GCAT: variants seen among roughly 807,000 people sequenced by gnomAD.
GCAT encodes the protein glycine C-acetyltransferase, also known as 2-amino-3-ketobutyrate coenzyme A ligase, mitochondrial.
Under a neutral mutation model 39.7 loss-of-function variants are expected in GCAT, and 26 were observed. The observed-to-expected ratio is 0.65, with a 90% CI of 0.48 to 0.91. The LOEUF is 0.91. GCAT is among the 40% of genes least tolerant of loss of function. GCAT has a pLI of 0.00. For missense variants in GCAT, 550 were observed against 576.2 expected (o/e 0.95, Z 0.47); for synonymous variants, 218 against 237.2 (o/e 0.92, Z 0.74).
At chr22:37,817,043 G>T (rs994508991), downstream of GCAT, 8 of 250,544 alleles carry the variant, frequency 3.2e-5, no homozygotes, top group African/African-American at 1.3e-4. Context: ...GGGACCCAGT[G>T]GCCGGGCACG....
At chr22:37,812,799 T>C in intron 2 of GCAT, 88 bp from the exon 3 acceptor site, 1 of 879,426 alleles carries the variant, frequency 1.1e-6, no homozygotes. Context: ...CTGGGTTGGG[T>C]CTCTGTGGTC....
chr22:37,814,482 C>T (rs1921942033), intron 4 of GCAT, among the ~76,000 whole-genome samples: 2 of 152,122 alleles, frequency 1.3e-5, no homozygotes, highest in East Asian at 1.9e-4. Flanking sequence ...AGGCTGGTTT[C>T]GAACTCCTGA....
intron 2 of GCAT, among the ~76,000 whole-genome samples, chr22:37,811,400 G>T (rs963326425): frequency 6.9e-6 from 1 of 144,138 alleles, no homozygotes; most frequent in Non-Finnish European, 1.5e-5. Flanking sequence ...AGAATCGCTT[G>T]AACCTAGGAG....
intron 4 of GCAT, 72 bp downstream of exon 4, chr22:37,813,681 T>A (rs1601700009): frequency 1.4e-6 from 2 of 1,387,736 alleles, no homozygotes; most frequent in East Asian, 4.7e-5. Flanking sequence ...GGCCAACTCC[T>A]CACTCACAGA....
chr22:37,813,858 T>A (rs1185787623), intron 4 of GCAT, among the ~76,000 whole-genome samples: 1 of 150,276 alleles, frequency 6.7e-6, no homozygotes, highest in Non-Finnish European at 1.5e-5. Flanking sequence ...CTCCACCTCC[T>A]GGGTTCAAGT....
rs1241492863 is a variant in GCAT, at chr22:37,809,368, CTG to C, written c.197-656_197-655del. Among the ~76,000 whole-genome samples, 5 of 152,160 alleles carry C rather than the reference CTG, an allele frequency of 3.3e-5. No homozygotes were observed. In the East Asian group the frequency reaches 7.7e-4, roughly 23 times the overall value. On this transcript the variant is annotated intron_variant, in intron 1 of 8. Transcript: ENST00000248924. ...GGTGTGATTCTGGCAGCAAAGTAAA[CTG>C]TGGAGTTCCAGGACTGCAGCAGGCG...
Position 37,816,522 on chromosome 22 carries a change from C to T in GCAT, c.1109-45C>T, listed in dbSNP as rs1292424807. 6.8e-6 allele frequency: 11 copies of T among 1,609,614 alleles called. 1 individual carries two copies. In the South Asian group the frequency reaches 9.9e-5, roughly 15 times the overall value. ...TTCCCTTGCCCTCTGTGTTCTGCCC[C>T]CAAGCCTGTTGGTTCTGGCACGCCC... is the stretch of plus-strand genomic sequence containing the variant. On this transcript the variant is annotated intron_variant, in intron 8 of 8. Transcript: ENST00000248924.
In GCAT at chr22:37,816,618, G is replaced by A. The variant is rs762546090; in HGVS notation, c.1160G>A (p.Arg387Gln). ...SYPVVPKGKA[R>Q]IRVQISAVHS... ...CCCGTGGTCCCCAAGGGCAAGGCCC[G>A]GATCCGGGTACAGATCTCAGCAGTG... Residue 387 changes from arginine to glutamine, a missense_variant, in exon 9 of 9, where the codon CGG (arginine) becomes CAG (glutamine). Arg to Gln is a conservative substitution (Grantham distance 43). Transcript: ENST00000248924. The A allele has an allele frequency of 7.4e-6, 12 of 1,614,056 alleles. No individual in the cohort carries two copies. Among genetic ancestry groups the A allele is most frequent in the Admixed American group, 5.0e-5 (3 of 60,010 alleles).
chr22:37,814,152 TTGCAATGG>T (rs1921906732), intron 4 of GCAT, among the ~76,000 whole-genome samples: 1 of 152,078 alleles, frequency 6.6e-6, no homozygotes, highest in African/African-American at 2.4e-5. Flanking sequence ...CCAGGCTGTA[TTGCAATGG>T]TGCAGTCATA....
At chr22:37,813,071 C>G in intron 3 of GCAT, 83 bp downstream of exon 3, 1 of 985,478 alleles carries the variant, frequency 1.0e-6, no homozygotes. Context: ...TCGGGAGAAC[C>G]TAGCAGGATT....
In GCAT at chr22:37,815,748, T is replaced by C. The variant is rs758176600; in HGVS notation, c.900T>C (p.Pro300=). The C allele has an allele frequency of 1.2e-6, 2 of 1,613,734 alleles. No individual in the cohort carries two copies. The highest frequency in any genetic ancestry group is 2.2e-5 in the South Asian group (2 of 91,070). The change falls in exon 7 of 9, where the codon CCT becomes CCC. Residue 300 remains proline, a synonymous_variant. Transcript: ENST00000248924. ...ACCTCTTCTCCAACAGTCTGCCACCTGCTGTCGTTGGCTGCGCCTCCAAGG... is the reference window on the plus strand; with the variant it reads ...ACCTCTTCTCCAACAGTCTGCCACCCGCTGTCGTTGGCTGCGCCTCCAAGG... ...RPYLFSNSLP[P]AVVGCASKAL...
In GCAT at chr22:37,815,500, G is replaced by C. The variant is rs768484907; in HGVS notation, c.814G>C (p.Gly272Arg). 3.7e-6 allele frequency: 6 copies of C among 1,604,420 alleles called. No individual in the cohort carries two copies. The highest frequency in any genetic ancestry group is 5.1e-6 in the Non-Finnish European group (6 of 1,175,324). Residue 272 changes from glycine (G) to arginine (R), a missense_variant and splice_region_variant, in exon 6 of 9, where the codon GGG becomes CGG. Around this residue, in one of 3 missense-constraint regions of GCAT, gnomAD observed 378 missense variants for 390.4 expected, o/e 0.97. Transcript: ENST00000248924. ...GGGGAAGGCCCTGGGTGGAGCATCA[G>C]GTACCTGCAAGGTTGTGTCCCTGGG... The part of the protein sequence containing the change: ...TLGKALGGAS[G>R]GYTTGPGPLV...
At chr22:37,813,075 C>G (rs1921772872) in intron 3 of GCAT, 87 bp downstream of exon 3, 3 of 954,304 alleles carry the variant, frequency 3.1e-6, no homozygotes, top group Non-Finnish European at 3.4e-6. Context: ...GAGAACCTAG[C>G]AGGATTCAGT....
chr22:37,813,100 C>A, intron 3 of GCAT, 112 bp downstream of exon 3: 1 of 783,304 alleles, frequency 1.3e-6, no homozygotes. Flanking sequence ...TGCCTAGAGG[C>A]TCCAGAGCCC....
At chr22:37,814,730 T>C (rs1921972034) in intron 4 of GCAT, among the ~76,000 whole-genome samples, 1 of 152,158 alleles carries the variant, frequency 6.6e-6, no homozygotes, top group Non-Finnish European at 1.5e-5. Flanking sequence ...ACCCGTAAGC[T>C]CCCAAAGTCC....
rs1227982995 is a variant in GCAT at position 37,815,808 on chromosome 22, C to A, written c.960C>A (p.Val320=). The A allele has an allele frequency of 6.2e-7, 1 of 1,614,076 alleles. No homozygotes were observed. The highest frequency in any genetic ancestry group is 1.7e-5 in the Admixed American group (1 of 60,020). Residue 320 remains valine (V), a synonymous_variant, in exon 7 of 9, where the codon GTC becomes GTA. Coordinates refer to ENST00000248924, the MANE Select transcript of GCAT (RefSeq NM_014291.4). The stretch of plus-strand genomic sequence containing the variant: ...TGCTGATGGGGAGTAACACCATTGT[C>A]CAGTCTATGGCTGCCAAGACCCAGA... ...LDLLMGSNTI[V]QSMAAKTQRF... is the part of the protein sequence containing the mutation.
Position 37,810,131 on chromosome 22 carries a change from T to A in GCAT, c.301T>A (p.Ser101Thr). The A allele has an allele frequency of 6.2e-7, 1 of 1,613,892 alleles. No homozygotes were observed. The highest frequency in any genetic ancestry group is 8.5e-7 in the Non-Finnish European group (1 of 1,179,726). Residue 101 changes from serine (S) to threonine (T), a missense_variant, in exon 2 of 9, where the codon TCT becomes ACT. Physicochemically the swap from Ser to Thr is moderately conservative, Grantham distance 58 (BLOSUM62 1). This residue lies in a region of GCAT where 154 missense variants were observed against 141.9 expected (regional missense o/e 1.08). Coordinates refer to ENST00000248924, the MANE Select transcript of GCAT (RefSeq NM_014291.4). ...ALEEFGAGLS[S>T]VRFICGTQSI... ...GGAGGAGTTTGGAGCTGGCCTCAGC[T>A]CTGTCCGCTTTATCTGTGGAACCCA...
Position 37,816,811 on chromosome 22 carries a change from T to A in GCAT, c.*93T>A, listed in dbSNP as rs1922257480. The A allele has an allele frequency of 7.7e-7, 1 of 1,296,886 alleles. No individual in the cohort carries two copies. The highest frequency in any genetic ancestry group is 1.1e-6 in the Non-Finnish European group (1 of 917,554). 80.3% of individuals were successfully genotyped at this position (1,296,886 alleles called of 1,614,324 possible). On this transcript the variant is annotated 3_prime_UTR_variant, in exon 9 of 9. Coordinates refer to ENST00000248924, the MANE Select transcript of GCAT (RefSeq NM_014291.4). ...AGCCCAGACCAGAGGCTCTGAGCCCTGAACCAAAGTCCCAGAGCTGGGCTG... is the reference window on the plus strand; with the variant it reads ...AGCCCAGACCAGAGGCTCTGAGCCCAGAACCAAAGTCCCAGAGCTGGGCTG...
chr22:37,815,474 T>C lies in GCAT; in HGVS notation c.788T>C (p.Leu263Pro). Residue 263 changes from leucine to proline, a missense_variant, in exon 6 of 9, where the codon CTG (leucine) becomes CCG (proline). This residue lies in a region of GCAT where 378 missense variants were observed against 390.4 expected (regional missense o/e 0.97). Transcript: ENST00000248924. ...CAGGTCACCATCATCAACTCCACCC[T>C]GGGGAAGGCCCTGGGTGGAGCATCA... ...MDQVTIINST[L>P]GKALGGASGG... The C allele has an allele frequency of 6.2e-7, 1 of 1,609,374 alleles. No homozygotes were observed. The highest frequency in any genetic ancestry group is 2.2e-5 in the East Asian group (1 of 44,758).
Sources: allele counts gnomAD v4.1 joint callset (sites outside exome capture counted in the v4.1 genomes callset), GRCh38; gene constraint gnomAD v4.1.1; regional missense constraint gnomAD v4.1.1; transcripts MANE v1.5; gene names NCBI Gene and HGNC (gene_info 2026-07-23, HGNC 2026-07-21).